The following NAA15 variants were observed in gnomAD, a reference collection of about 807,000 sequenced individuals.
The protein encoded by NAA15 is N-terminal acetyltransferase.
In NAA15, 34 loss-of-function variants were observed where a neutral mutation model predicts 114.0. The observed-to-expected ratio is 0.30, with a 90% CI of 0.23 to 0.40. The LOEUF (loss-of-function observed/expected upper bound fraction) is 0.40. Among genes scored for constraint, NAA15 ranks in the 10% least tolerant of loss-of-function variants. NAA15 has a pLI of 1.00. For synonymous variants in NAA15, 340 were observed against 338.0 expected, an observed-to-expected ratio of 1.01 and a Z score of -0.06; for missense variants, 658 against 1,004.5, an observed-to-expected ratio of 0.66 and a Z score of 4.66.
At chr4:139,380,955 G>A (rs890729379) in intron 17 of NAA15, among the ~76,000 whole-genome samples, 1 of 152,142 alleles carries the variant, frequency 6.6e-6, no homozygotes, top group Non-Finnish European at 1.5e-5. Context: ...GAATACATTT[G>A]TCATGTTAAG....
intron 1 of NAA15, among the ~76,000 whole-genome samples, chr4:139,321,773 G>A (rs773011628): frequency 4.6e-5 from 7 of 151,634 alleles, no homozygotes; most frequent in Non-Finnish European, 8.8e-5. Flanking sequence ...GTGAGCCACC[G>A]TGCCTGGCCC....
chr4:139,315,879 T>A (rs182194708), intron 1 of NAA15, among the ~76,000 whole-genome samples: 2,466 of 150,656 alleles, frequency 0.016, 52 homozygotes, highest in Admixed American at 0.032. Context: ...CTCTCTTTTT[T>A]AAAAAAAAAA....
At chr4:139,379,244 TTA>T (rs1748675479) in intron 17 of NAA15, 1 of 154,628 alleles carries the variant, frequency 6.5e-6, no homozygotes, top group Admixed American at 6.5e-5. Flanking sequence ...TTTGCATGAA[TTA>T]TGTTTTCTTA....
In NAA15 at chr4:139,390,149, A is replaced by C. The variant is rs531307175; in HGVS notation, c.*2065A>C. ...TCATTTATTTGTCTTGACAATGTTCAAATGATGTAGATTGTCTTAGAATGA... is the reference window on the plus strand; with the variant it reads ...TCATTTATTTGTCTTGACAATGTTCCAATGATGTAGATTGTCTTAGAATGA... On this transcript the variant is annotated 3_prime_UTR_variant, in exon 20 of 20. Transcript: ENST00000296543. 6.5e-6 allele frequency: 1 copy of C among 152,804 alleles called. No homozygotes were observed. Among genetic ancestry groups the C allele is most frequent in the East Asian group, 1.9e-4 (1 of 5,196 alleles). The allele number at this position is 152,804 out of a possible 1,614,324, so 9.5% of individuals were successfully genotyped here.
At chr4:139,306,008 C>A (rs1341204323) in intron 1 of NAA15, among the ~76,000 whole-genome samples, 1 of 152,108 alleles carries the variant, frequency 6.6e-6, no homozygotes, top group East Asian at 1.9e-4. Context: ...CATAAGTTTG[C>A]AAAAATTTTA....
intron 1 of NAA15, among the ~76,000 whole-genome samples, chr4:139,315,749 G>A (rs1244905989): frequency 1.3e-5 from 2 of 151,188 alleles, no homozygotes; most frequent in African/African-American, 2.4e-5. Flanking sequence ...TACTTACTCT[G>A]GGTCTTATAT....
chr4:139,331,873 C>T (rs1329123780), intron 1 of NAA15, among the ~76,000 whole-genome samples: 3 of 151,982 alleles, frequency 2.0e-5, no homozygotes, highest in Admixed American at 6.6e-5. Context: ...CTTATACAAG[C>T]TTTTGTTTTT....
chr4:139,315,807 TAA>T (rs1319669611), intron 1 of NAA15, among the ~76,000 whole-genome samples: 1 of 151,764 alleles, frequency 6.6e-6, no homozygotes, highest in Non-Finnish European at 1.5e-5. Flanking sequence ...ATTTTTTACT[TAA>T]GAGAGTTTAT....
chr4:139,315,649 G>A (rs1746386965), intron 1 of NAA15, among the ~76,000 whole-genome samples: 1 of 151,804 alleles, frequency 6.6e-6, no homozygotes, highest in African/African-American at 2.4e-5. Flanking sequence ...GGTAAAGCAC[G>A]TGTATTATTA....
At chr4:139,309,388 TTAA>T (rs1215324079) in intron 1 of NAA15, among the ~76,000 whole-genome samples, 4 of 151,846 alleles carry the variant, frequency 2.6e-5, no homozygotes, top group African/African-American at 4.8e-5. Context: ...TGAAAATCTT[TTAA>T]TAATGTGGTA....
At chr4:139,375,358 CT>C (rs1160410388) in intron 15 of NAA15, among the ~76,000 whole-genome samples, 1 of 152,152 alleles carries the variant, frequency 6.6e-6, no homozygotes, top group Admixed American at 6.5e-5. Flanking sequence ...TGGAGCTGGG[CT>C]TTTAATGGGT....
At chr4:139,385,620 G>A (rs1335535254) in intron 18 of NAA15, among the ~76,000 whole-genome samples, 1 of 152,098 alleles carries the variant, frequency 6.6e-6, no homozygotes, top group Non-Finnish European at 1.5e-5. Context: ...AAGGGTCTGT[G>A]CCAATGAGCC....
chr4:139,348,038 C>T (rs1205170910), intron 6 of NAA15, among the ~76,000 whole-genome samples: 1 of 62,768 alleles, frequency 1.6e-5, no homozygotes, highest in East Asian at 5.4e-4. Flanking sequence ...GACTCCGTCT[C>T]AAAAAAAAAA....
chr4:139,357,246 TA>T, intron 10 of NAA15, 139 bp from the exon 11 acceptor site: 1 of 700,706 alleles, frequency 1.4e-6, no homozygotes, highest in East Asian at 2.7e-5. Context: ...CTTATAAACT[TA>T]GGAGGAGTTT....
At chr4:139,350,225 T>C (rs1197602713) in intron 7 of NAA15, among the ~76,000 whole-genome samples, 1 of 152,174 alleles carries the variant, frequency 6.6e-6, no homozygotes, top group Non-Finnish European at 1.5e-5. Context: ...GGAGGATTGC[T>C]TGAGCCCAGG....
At chr4:139,370,667 G>A (rs942848093) in intron 15 of NAA15, among the ~76,000 whole-genome samples, 2 of 152,028 alleles carry the variant, frequency 1.3e-5, no homozygotes, top group Non-Finnish European at 2.9e-5. Flanking sequence ...TTCAGATCTG[G>A]GTCCAGATAT....
At chr4:139,318,723 A>G (rs1045620963) in intron 1 of NAA15, among the ~76,000 whole-genome samples, 2 of 151,948 alleles carry the variant, frequency 1.3e-5, no homozygotes, top group Non-Finnish European at 2.9e-5. Context: ...GTGTGGTGGC[A>G]TGTGCCTGTA....
intron 18 of NAA15, among the ~76,000 whole-genome samples, chr4:139,385,555 G>A (rs976396798): frequency 6.6e-6 from 1 of 152,162 alleles, no homozygotes; most frequent in Admixed American, 6.5e-5. Flanking sequence ...AGGTATCAGA[G>A]TTGACAGTGC....
chr4:139,385,123 A>T, intron 18 of NAA15, 145 bp downstream of exon 18: 1 of 632,128 alleles, frequency 1.6e-6, no homozygotes, highest in Non-Finnish European at 2.3e-6. Context: ...GGCAGCTTAA[A>T]TAAGCTTCCT....
Sources: gnomAD v4.1 joint callset for allele counts (sites outside exome capture counted in the v4.1 genomes callset) on GRCh38, gnomAD v4.1.1 for gene constraint, MANE v1.5 for transcripts, NCBI Gene and HGNC (gene_info 2026-07-23, HGNC 2026-07-21) for gene names.